VRK2: variants seen among roughly 807,000 people sequenced by gnomAD.
VRK2 encodes the protein serine/threonine-protein kinase VRK2.
A neutral mutation model predicts 57.6 loss-of-function variants in VRK2; 60 were observed. The observed-to-expected ratio is 1.04, with a 90% CI of 0.85 to 1.29. VRK2 has a LOEUF of 1.29. Among genes scored for constraint, VRK2 ranks in the 50% most tolerant of loss-of-function variants. The pLI is 0.00. For synonymous variants in VRK2, 231 were observed against 199.2 expected, an observed-to-expected ratio of 1.16 and a Z score of -1.35; for missense variants, 705 against 588.1, an observed-to-expected ratio of 1.20 and a Z score of -2.06.
At chr2:58,056,612 C>T (rs1676558996) in intron 2 of VRK2, among the ~76,000 whole-genome samples, 1 of 14,066 alleles carries the variant, frequency 7.1e-5, no homozygotes, top group Admixed American at 4.9e-4. Context: ...AGTGTGGCTA[C>T]TCACCCCACT....
At chr2:58,048,460 A>G in intron 1 of VRK2, 2 of 896,132 alleles carry the variant, frequency 2.2e-6, no homozygotes, top group Middle Eastern at 2.9e-4. Flanking sequence ...AGTGACAGCA[A>G]TATTTCCATG....
chr2:58,118,006 A>C (rs148014864), intron 7 of VRK2, among the ~76,000 whole-genome samples: 11,431 of 140,654 alleles, frequency 0.081, 469 homozygotes, highest in South Asian at 0.15. Context: ...GAGGTTGGGG[A>C]GCGGAAATAA....
intron 2 of VRK2, among the ~76,000 whole-genome samples, chr2:58,073,929 G>T (rs888480421): frequency 6.6e-6 from 1 of 151,912 alleles, no homozygotes; most frequent in Non-Finnish European, 1.5e-5. Flanking sequence ...GATTAGATTG[G>T]GCCCACCCAG....
chr2:58,137,206 T>TATATGATACATATATATC (rs1558687113), intron 10 of VRK2, among the ~76,000 whole-genome samples: 1 of 101,748 alleles, frequency 9.8e-6, no homozygotes, highest in Non-Finnish European at 1.7e-5. Flanking sequence ...ATATATCTCA[T>TATATGATACATATATATC]ATATGATACA....
intron 1 of VRK2, among the ~76,000 whole-genome samples, chr2:57,955,923 T>C (rs1292348312): frequency 6.6e-6 from 1 of 152,196 alleles, no homozygotes; most frequent in East Asian, 1.9e-4. Context: ...GCATTAGATG[T>C]TATAAATAAG....
intron 2 of VRK2, among the ~76,000 whole-genome samples, chr2:58,063,245 T>TG (rs1677626535): frequency 1.3e-5 from 2 of 151,714 alleles, no homozygotes; most frequent in South Asian, 4.2e-4. Context: ...AGTTTTGTTT[T>TG]TTTTTTTTTT....
chr2:58,002,827 T>C (rs1363594387), intron 1 of VRK2, among the ~76,000 whole-genome samples: 1 of 152,192 alleles, frequency 6.6e-6, no homozygotes, highest in Admixed American at 6.5e-5. Flanking sequence ...AATAATGCTG[T>C]TACAACTGTT....
intron 1 of VRK2, among the ~76,000 whole-genome samples, chr2:57,914,109 G>A (rs1670074348): frequency 6.6e-6 from 1 of 151,992 alleles, no homozygotes; most frequent in African/African-American, 2.4e-5. Context: ...ATCTACTTCT[G>A]AAATTAGGAT....
chr2:57,994,245 CTG>C (rs1368373990), intron 1 of VRK2, among the ~76,000 whole-genome samples: 2 of 152,134 alleles, frequency 1.3e-5, no homozygotes, highest in Admixed American at 6.5e-5. Context: ...AAAATAAAAT[CTG>C]TAACTTTGCC....
intron 2 of VRK2, among the ~76,000 whole-genome samples, chr2:58,027,759 A>C (rs1673977846): frequency 6.6e-6 from 1 of 152,192 alleles, no homozygotes; most frequent in Non-Finnish European, 1.5e-5. Context: ...TCCATCTATA[A>C]GATTTATAGA....
chr2:57,913,776 T>A (rs905251219), intron 1 of VRK2, among the ~76,000 whole-genome samples: 1 of 152,136 alleles, frequency 6.6e-6, no homozygotes, highest in East Asian at 1.9e-4. Context: ...GGATACCAAA[T>A]TGGATTTTTT....
intron 10 of VRK2, among the ~76,000 whole-genome samples, chr2:58,137,882 C>T (rs1680771205): frequency 2.6e-5 from 4 of 152,276 alleles, no homozygotes; most frequent in African/African-American, 9.6e-5. Flanking sequence ...TCTTGAAAGA[C>T]TAACATTTAA....
In VRK2 at chr2:57,995,772, A is replaced by G. The variant is rs76609516; in HGVS notation, c.-438-29893A>G. 7.0e-3 allele frequency among the ~76,000 whole-genome samples: 1,067 copies of G among 152,334 alleles called. 9 individuals carry two copies. The highest frequency in any genetic ancestry group is 0.024 in the African/African-American group (985 of 41,594). ...GTTACTTTTTCATCAAGAACATTCT[A>G]TGTGAAACTGCTTTTCTTTCTTTTT... is the stretch of plus-strand genomic sequence containing the variant. On this transcript the variant is annotated intron_variant, in intron 1 of 15. Transcript: ENST00000417641.
At chr2:57,923,524 T>G (rs539467496) in intron 1 of VRK2, among the ~76,000 whole-genome samples, 4 of 61,142 alleles carry the variant, frequency 6.5e-5, no homozygotes, top group East Asian at 1.1e-3. Flanking sequence ...CATTTGTATG[T>G]TTTTTTTTTG....
intron 1 of VRK2, among the ~76,000 whole-genome samples, chr2:57,919,164 A>G (rs1042176498): frequency 3.9e-5 from 6 of 152,132 alleles, no homozygotes; most frequent in African/African-American, 1.4e-4. Flanking sequence ...ACTCTGCCCA[A>G]AGAGGGGAAA....
intron 2 of VRK2, among the ~76,000 whole-genome samples, chr2:58,030,773 T>C (rs1366181829): frequency 6.6e-6 from 1 of 152,092 alleles, no homozygotes; most frequent in Non-Finnish European, 1.5e-5. Context: ...GTGATGCATA[T>C]GACTTTCAAT....
chr2:58,058,472 C>T, intron 2 of VRK2: 1 of 463,194 alleles, frequency 2.2e-6, no homozygotes, highest in Non-Finnish European at 4.5e-6. Context: ...GCATAGAGAA[C>T]ATAGCTTCCA....
intron 1 of VRK2, among the ~76,000 whole-genome samples, chr2:57,993,667 G>T (rs1177822167): frequency 6.6e-6 from 1 of 152,208 alleles, no homozygotes; most frequent in Non-Finnish European, 1.5e-5. Context: ...AAGCCTGACT[G>T]CTTCTCAGCT....
At chr2:57,993,269 T>A (rs370131695) in intron 1 of VRK2, among the ~76,000 whole-genome samples, 1 of 152,206 alleles carries the variant, frequency 6.6e-6, no homozygotes, top group South Asian at 2.1e-4. Flanking sequence ...TAACACAATC[T>A]TATTTAGCTT....
Sources: gnomAD v4.1 joint callset for allele counts (sites outside exome capture counted in the v4.1 genomes callset) on GRCh38, gnomAD v4.1.1 for gene constraint, MANE v1.5 for transcripts, NCBI Gene and HGNC (gene_info 2026-07-23, HGNC 2026-07-21) for gene names.